IGFL2: variants seen among roughly 807,000 people sequenced by gnomAD.
IGFL2 encodes IGF like family member 2, also known as insulin growth factor-like family member 2.
In IGFL2, 7 loss-of-function variants were observed where a neutral mutation model predicts 13.9. That is an observed-to-expected ratio of 0.51 (90% CI 0.29 to 0.95). The LOEUF (loss-of-function observed/expected upper bound fraction) is 0.95. IGFL2 is among the 40% of genes least tolerant of loss of function. IGFL2 has a pLI of 0.08. For synonymous variants in IGFL2, 55 were observed against 55.8 expected (o/e 0.99, Z 0.07); for missense variants, 138 against 147.8 (o/e 0.93, Z 0.34).
chr19:46,193,881 G>C, the IGFL2 span, among the ~76,000 whole-genome samples: 9 of 152,150 alleles, frequency 5.9e-5, no homozygotes, highest in East Asian at 1.2e-3. Context: ...TTACCACAGT[G>C]TGTTGGCTCA....
At chr19:46,147,008 G>T (rs1187725658), upstream of IGFL2, among the ~76,000 whole-genome samples, 1 of 152,106 alleles carries the variant, frequency 6.6e-6, no homozygotes, top group Non-Finnish European at 1.5e-5. Flanking sequence ...TAAAATAACA[G>T]TAAGAAACAC....
At chr19:46,096,169 A>G in the IGFL2 span, among the ~76,000 whole-genome samples, 1 of 151,978 alleles carries the variant, frequency 6.6e-6, no homozygotes, top group African/African-American at 2.4e-5. Context: ...ATGTTTTTCT[A>G]TTTGTTTGTG....
upstream of IGFL2, among the ~76,000 whole-genome samples, chr19:46,145,222 C>T (rs1027075683): frequency 1.5e-4 from 23 of 152,004 alleles, no homozygotes; most frequent in African/African-American, 5.3e-4. Context: ...TATATATATA[C>T]CATTTTCATT....
At chr19:46,188,393 G>A in the IGFL2 span, among the ~76,000 whole-genome samples, 14 of 152,154 alleles carry the variant, frequency 9.2e-5, no homozygotes, top group African/African-American at 3.4e-4. Flanking sequence ...CCCAGCCACC[G>A]TGACGCTCAT....
At chr19:46,183,618 C>G in the IGFL2 span, among the ~76,000 whole-genome samples, 1 of 151,978 alleles carries the variant, frequency 6.6e-6, no homozygotes, top group Non-Finnish European at 1.5e-5. Context: ...TCACTGCAAC[C>G]TCCACCTCCT....
chr19:46,152,512 G>C (rs936359605), intron 1 of IGFL2, among the ~76,000 whole-genome samples: 1 of 152,070 alleles, frequency 6.6e-6, no homozygotes, highest in Non-Finnish European at 1.5e-5. Context: ...TCAAACTTCT[G>C]ACCTCAAGTG....
At chr19:46,190,724 C>T in the IGFL2 span, among the ~76,000 whole-genome samples, 1 of 152,224 alleles carries the variant, frequency 6.6e-6, no homozygotes, top group Non-Finnish European at 1.5e-5. Context: ...GGCAAAGAGC[C>T]TTGCATCATT....
the IGFL2 span, chr19:46,213,116 G>A: frequency 6.6e-6 from 1 of 152,636 alleles, no homozygotes; most frequent in African/African-American, 2.4e-5. Context: ...AGTGGAGAAA[G>A]TCATAGCTCA....
chr19:46,100,656 A>G, the IGFL2 span, among the ~76,000 whole-genome samples: 1 of 152,188 alleles, frequency 6.6e-6, no homozygotes. Context: ...TTAACCATTC[A>G]CTAGGAATAT....
the IGFL2 span, among the ~76,000 whole-genome samples, chr19:46,177,240 C>CA: frequency 6.6e-6 from 1 of 151,762 alleles, no homozygotes; most frequent in Non-Finnish European, 1.5e-5. Flanking sequence ...ACTGAAAATA[C>CA]AAAAATTAGC....
intron 1 of IGFL2, among the ~76,000 whole-genome samples, chr19:46,157,313 C>T (rs1038042875): frequency 1.3e-5 from 2 of 152,044 alleles, no homozygotes; most frequent in African/African-American, 4.8e-5. Flanking sequence ...AAAAGACAAA[C>T]AAGAACAATG....
chr19:46,105,908 G>A, the IGFL2 span, among the ~76,000 whole-genome samples: 1 of 152,188 alleles, frequency 6.6e-6, no homozygotes, highest in Non-Finnish European at 1.5e-5. Flanking sequence ...AATGAAAAGG[G>A]TTGGGATGAG....
At chr19:46,202,420 G>A in the IGFL2 span, 1 of 152,136 alleles carries the variant, frequency 6.6e-6, no homozygotes, top group Admixed American at 6.6e-5. Flanking sequence ...AAGTTTTTTA[G>A]AACACAGGCT....
chr19:46,161,315 T>TTTA, downstream of IGFL2: 2 of 407,370 alleles, frequency 4.9e-6, no homozygotes, highest in East Asian at 3.6e-5. Flanking sequence ...TGTCGTCTCC[T>TTTA]TTCTTTTTTT....
At chr19:46,123,808 A>T in the IGFL2 span, 1 of 1,447,960 alleles carries the variant, frequency 6.9e-7, no homozygotes, top group South Asian at 1.4e-5. Flanking sequence ...CTCCACAAAC[A>T]GGAGTTCCTC....
At chr19:46,137,609 A>T in the IGFL2 span, 1 of 980,328 alleles carries the variant, frequency 1.0e-6, no homozygotes, top group East Asian at 2.7e-5. Context: ...TGTTTCCATG[A>T]GTCAGTGCAG....
At chr19:46,118,983 A>G in the IGFL2 span, among the ~76,000 whole-genome samples, 1 of 151,834 alleles carries the variant, frequency 6.6e-6, no homozygotes, top group African/African-American at 2.4e-5. Flanking sequence ...CCTTATACAT[A>G]CTCAAGATAA....
chr19:46,140,601 GAAC>G (rs1285265967), upstream of IGFL2, among the ~76,000 whole-genome samples: 1 of 152,084 alleles, frequency 6.6e-6, no homozygotes, highest in Non-Finnish European at 1.5e-5. Context: ...AAAAAATACT[GAAC>G]AAAGTAAAAA....
At chr19:46,148,846 A>G (rs1372765513) in intron 1 of IGFL2, 8 of 1,499,522 alleles carry the variant, frequency 5.3e-6, no homozygotes, top group Non-Finnish European at 7.1e-6. Context: ...TGGTTGTGCC[A>G]GTTGACACTC....
Sources: gnomAD v4.1 joint callset for allele counts (sites outside exome capture counted in the v4.1 genomes callset) on GRCh38, gnomAD v4.1.1 for gene constraint, MANE v1.5 for transcripts, NCBI Gene and HGNC (gene_info 2026-07-23, HGNC 2026-07-21) for gene names.